DCTN4: variants seen among roughly 807,000 people sequenced by gnomAD.
The protein encoded by DCTN4 is dynactin subunit 4.
Under a neutral mutation model 62.7 loss-of-function variants are expected in DCTN4, and 23 were observed. The ratio of observed to expected loss-of-function variants is 0.37; its 90% CI spans 0.26 to 0.52. The LOEUF is 0.52. DCTN4 is among the 20% of genes least tolerant of loss of function. The pLI is 0.92. For synonymous variants in DCTN4, 199 were observed against 202.1 expected, an observed-to-expected ratio of 0.98 and a Z score of 0.13; for missense variants, 514 against 580.4, an observed-to-expected ratio of 0.89 and a Z score of 1.18.
In DCTN4 at chr5:150,722,943, G is replaced by T; in HGVS notation, c.872C>A (p.Pro291Gln). Residue 291 changes from proline to glutamine, a missense_variant, in exon 9 of 13, where the codon CCA (proline) becomes CAA (glutamine). Pro to Gln is a moderately conservative substitution (Grantham distance 76, BLOSUM62 -1). Coordinates refer to ENST00000447998, the MANE Select transcript of DCTN4 (RefSeq NM_016221.4). ...EHNLSKPEFN[P>Q]TSIKFKIQLV... ...CTGGATTTTGAATTTGATTGACGTTGGGTTAAATTCTGGCTTGCTCAAATT... is the reference window on the plus strand; with the variant it reads ...CTGGATTTTGAATTTGATTGACGTTTGGTTAAATTCTGGCTTGCTCAAATT... The T allele has an allele frequency of 6.2e-7, 1 of 1,612,614 alleles. No individual in the cohort carries two copies. Among genetic ancestry groups the T allele is most frequent in the Non-Finnish European group, 8.5e-7 (1 of 1,179,366 alleles).
intron 8 of DCTN4, 48 bp from the exon 9 acceptor site, chr5:150,723,028 T>C (rs1474872765): frequency 1.2e-5 from 16 of 1,384,938 alleles, no homozygotes; most frequent in Non-Finnish European, 1.5e-5. Context: ...ACAACACACT[T>C]TGTTGATCCA....
intron 4 of DCTN4, among the ~76,000 whole-genome samples, chr5:150,737,985 C>T (rs1760639608): frequency 6.6e-6 from 1 of 152,048 alleles, no homozygotes; most frequent in Admixed American, 6.6e-5. Flanking sequence ...CTACCATGAA[C>T]ACCTTTATGC....
chr5:150,723,558 T>C (rs1311600107), intron 8 of DCTN4, among the ~76,000 whole-genome samples: 1 of 152,224 alleles, frequency 6.6e-6, no homozygotes, highest in Non-Finnish European at 1.5e-5. Context: ...AGCCTCCAAC[T>C]CCTGGGCTCA....
chr5:150,731,461 T>C lies in DCTN4; in HGVS notation c.566A>G (p.Gln189Arg), dbSNP rs1760367025. The stretch of plus-strand genomic sequence containing the variant: ...GATGGATGCACCAGCTCGTGGTCGC[T>C]GAAGCCTGGTTCCAAGACCATATTT... ...SDKYGLGTRLQRPRAGASIST... is the reference protein window; with the variant it reads ...SDKYGLGTRLRRPRAGASIST... Residue 189 changes from glutamine (Q) to arginine (R), a missense_variant, in exon 6 of 13, where the codon CAG becomes CGG. Physicochemically the swap from Gln to Arg is conservative, Grantham distance 43 (BLOSUM62 1). Coordinates refer to ENST00000447998, the MANE Select transcript of DCTN4 (RefSeq NM_016221.4). The C allele has an allele frequency of 6.2e-7, 1 of 1,613,904 alleles. No individual in the cohort carries two copies. The highest frequency in any genetic ancestry group is 8.5e-7 in the Non-Finnish European group (1 of 1,180,000).
intron 3 of DCTN4, among the ~76,000 whole-genome samples, chr5:150,744,325 G>C (rs1437824368): frequency 2.0e-5 from 3 of 151,998 alleles, no homozygotes; most frequent in Non-Finnish European, 4.4e-5. Context: ...TGGTGTACCT[G>C]AAAGTGATGG....
rs1490674808 is a variant in DCTN4, at chr5:150,711,003, C to A, written c.*146G>T. The A allele has an allele frequency of 2.5e-6, 2 of 785,856 alleles. No homozygotes were observed. The highest frequency in any genetic ancestry group is 1.7e-5 in the African/African-American group (1 of 57,274). The allele number at this position is 785,856 out of a possible 1,614,324, so 48.7% of individuals were successfully genotyped here. A position where few individuals can be genotyped will look rare whatever the true frequency, so the allele number is the denominator to read the frequency against. On this transcript the variant is annotated 3_prime_UTR_variant, in exon 13 of 13. Transcript: ENST00000447998. The stretch of plus-strand genomic sequence containing the variant: ...GCTACCCTGTGTTCCCAATGCCTTG[C>A]CTATGCTCCCACTTTCTTAGCAATA...
intron 1 of DCTN4, chr5:150,758,574 C>T: frequency 8.6e-7 from 1 of 1,158,334 alleles, no homozygotes; most frequent in South Asian, 2.4e-5. Context: ...TCTCCGTAGT[C>T]CACCCAATTA....
intron 5 of DCTN4, among the ~76,000 whole-genome samples, chr5:150,732,384 C>A (rs1760418977): frequency 6.6e-6 from 1 of 152,208 alleles, no homozygotes; most frequent in South Asian, 2.1e-4. Flanking sequence ...ATCCTGACCT[C>A]AAGTGATCCC....
At chr5:150,727,632 C>T (rs1251626742) in intron 8 of DCTN4, among the ~76,000 whole-genome samples, 12 of 151,410 alleles carry the variant, frequency 7.9e-5, no homozygotes, top group Non-Finnish European at 5.9e-5. Flanking sequence ...AAAAATTAGC[C>T]GGGCGTGGTG....
At chr5:150,737,612 G>A (rs942216805) in intron 4 of DCTN4, among the ~76,000 whole-genome samples, 3 of 152,122 alleles carry the variant, frequency 2.0e-5, no homozygotes, top group Non-Finnish European at 2.9e-5. Context: ...CTGGGATACA[G>A]CAAAAGCAGT....
rs1760248598 is a variant in DCTN4, at chr5:150,728,836, C to T, written c.834+1795G>A. On this transcript the variant is annotated intron_variant, in intron 8 of 12. Coordinates refer to ENST00000447998, the MANE Select transcript of DCTN4 (RefSeq NM_016221.4). ...AGTTCATTGGTATTTAATGTAAATA[C>T]TGATACATCTGGATTTTAATCTACT... 2.6e-5 allele frequency among the ~76,000 whole-genome samples: 4 copies of T among 151,482 alleles called. No homozygotes were observed. The South Asian group carries it at 6.2e-4, about 24-fold the overall frequency.
intron 5 of DCTN4, among the ~76,000 whole-genome samples, chr5:150,732,217 T>C (rs1226922715): frequency 3.3e-5 from 5 of 152,230 alleles, no homozygotes; most frequent in Non-Finnish European, 7.3e-5. Flanking sequence ...TGGCGCTATC[T>C]TGGCTCACTG....
intron 4 of DCTN4, among the ~76,000 whole-genome samples, chr5:150,738,428 G>C (rs1373306962): frequency 2.0e-5 from 3 of 152,086 alleles, no homozygotes; most frequent in Admixed American, 1.3e-4. Flanking sequence ...TGATCAAGTG[G>C]GTTTAATACC....
intron 1 of DCTN4, chr5:150,758,020 T>C (rs1040612027): frequency 6.5e-6 from 6 of 923,346 alleles, no homozygotes; most frequent in African/African-American, 5.4e-5. Context: ...ACATGACATA[T>C]AGCAAGTATC....
intron 3 of DCTN4, among the ~76,000 whole-genome samples, chr5:150,746,468 G>T (rs1377594586): frequency 1.3e-5 from 2 of 151,864 alleles, no homozygotes; most frequent in African/African-American, 2.4e-5. Context: ...TACCAAAGCT[G>T]GGCAGAGACA....
intron 4 of DCTN4, among the ~76,000 whole-genome samples, chr5:150,736,941 C>T (rs1760603662): frequency 6.6e-6 from 1 of 152,112 alleles, no homozygotes; most frequent in South Asian, 2.1e-4. Flanking sequence ...TGCAAATGGA[C>T]ACCAAAAGTG....
chr5:150,754,460 T>A (rs115630892), intron 2 of DCTN4, among the ~76,000 whole-genome samples: 1 of 152,320 alleles, frequency 6.6e-6, no homozygotes, highest in Non-Finnish European at 1.5e-5. Context: ...AGGGGTTACT[T>A]CTCAGGGCAG....
chr5:150,731,836 T>G, intron 5 of DCTN4: 1 of 1,506,844 alleles, frequency 6.6e-7, no homozygotes, highest in Non-Finnish European at 9.0e-7. Flanking sequence ...ACACCAGTGG[T>G]CATCTGCTAA....
chr5:150,708,647 C>T lies in DCTN4; in HGVS notation c.*2502G>A, dbSNP rs78349754. On this transcript the variant is annotated 3_prime_UTR_variant, in exon 13 of 13. Coordinates refer to ENST00000447998, the MANE Select transcript of DCTN4 (RefSeq NM_016221.4). ...CATTTAAGGAATGGAAGGGAGCATG[C>T]CCCACCAACTCTCTTAGCCAACTCT... 3.2e-3 allele frequency: 489 copies of T among 152,900 alleles called. 17 individuals are homozygous for T. In the East Asian group the frequency reaches 0.08, roughly 25 times the overall value. 9.5% of individuals were successfully genotyped at this position (152,900 alleles called of 1,614,324 possible).
Sources: gnomAD v4.1 joint callset for allele counts (sites outside exome capture counted in the v4.1 genomes callset) on GRCh38, gnomAD v4.1.1 for gene constraint, MANE v1.5 for transcripts, NCBI Gene and HGNC (gene_info 2026-07-23, HGNC 2026-07-21) for gene names.